Variants in TUSC3 observed in about 807,000 individuals in gnomAD.
TUSC3 encodes the protein dolichyl-diphosphooligosaccharide--protein glycosyltransferase subunit TUSC3.
In TUSC3, 45 loss-of-function variants were observed where a neutral mutation model predicts 44.8. The ratio of observed to expected loss-of-function variants is 1.00; its 90% confidence interval spans 0.79 to 1.29. TUSC3 has a LOEUF of 1.29. Among genes scored for constraint, TUSC3 ranks in the 50% most tolerant of loss-of-function variants. TUSC3 has a pLI of 0.00. For missense variants in TUSC3, 519 were observed against 437.9 expected, an observed-to-expected ratio of 1.19 and a Z score of -1.65; for synonymous variants, 212 against 152.9, an observed-to-expected ratio of 1.39 and a Z score of -2.85.
chr8:15,423,831 C>A (rs1161703024), intron 1 of TUSC3, among the ~76,000 whole-genome samples: 21 of 152,028 alleles, frequency 1.4e-4, no homozygotes, highest in Non-Finnish European at 1.5e-5. Context: ...CCTCATAATA[C>A]AGGAAGGACT....
chr8:15,668,926 T>C (rs1314855931), intron 5 of TUSC3, among the ~76,000 whole-genome samples: 1 of 151,750 alleles, frequency 6.6e-6, no homozygotes, highest in Non-Finnish European at 1.5e-5. Flanking sequence ...TCGGGATGTA[T>C]GCTGGTGGTA....
chr8:15,654,310 A>C (rs1034354080), intron 3 of TUSC3, among the ~76,000 whole-genome samples: 1 of 152,166 alleles, frequency 6.6e-6, no homozygotes, highest in Non-Finnish European at 1.5e-5. Flanking sequence ...GGAGAAGCAC[A>C]GGGAAGAAAG....
intron 1 of TUSC3, among the ~76,000 whole-genome samples, chr8:15,555,089 T>A (rs1350681839): frequency 6.7e-6 from 1 of 148,788 alleles, no homozygotes; most frequent in Non-Finnish European, 1.5e-5. Flanking sequence ...AAAATTTACA[T>A]AAGATTTCTC....
intron 7 of TUSC3, among the ~76,000 whole-genome samples, chr8:15,731,740 A>G: frequency 6.6e-6 from 1 of 152,156 alleles, no homozygotes; most frequent in East Asian, 1.9e-4. Context: ...TTTAATCTGG[A>G]GGAAAAATAC....
At chr8:15,445,893 G>T (rs1325487339) in intron 1 of TUSC3, among the ~76,000 whole-genome samples, 1 of 151,772 alleles carries the variant, frequency 6.6e-6, no homozygotes, top group African/African-American at 2.4e-5. Flanking sequence ...TTCCCAGACG[G>T]GGCGGCCGGG....
chr8:15,774,829 A>G, the TUSC3 span, among the ~76,000 whole-genome samples: 3 of 152,172 alleles, frequency 2.0e-5, no homozygotes, highest in East Asian at 1.9e-4. Context: ...TTTTTAAAGG[A>G]AAATGTTGGT....
the TUSC3 span, among the ~76,000 whole-genome samples, chr8:15,772,070 C>T: frequency 6.6e-6 from 1 of 151,628 alleles, no homozygotes. Flanking sequence ...GCCTGGGCCA[C>T]AGAGCAAGAC....
At chr8:15,648,708 A>G (rs1232564785) in intron 2 of TUSC3, among the ~76,000 whole-genome samples, 1 of 133,442 alleles carries the variant, frequency 7.5e-6, no homozygotes, top group Non-Finnish European at 1.6e-5. Flanking sequence ...CCTGGGTGAC[A>G]GAGCAAGACT....
chr8:15,819,893 A>G, the TUSC3 span, among the ~76,000 whole-genome samples: 1,773 of 152,178 alleles, frequency 0.012, 47 homozygotes, highest in African/African-American at 0.04. Flanking sequence ...TTGTTTTTTC[A>G]TTTATTATAT....
At chr8:15,657,535 A>G (rs1478305109) in intron 3 of TUSC3, among the ~76,000 whole-genome samples, 1 of 152,124 alleles carries the variant, frequency 6.6e-6, no homozygotes, top group Non-Finnish European at 1.5e-5. Context: ...AATGGCTTTT[A>G]CTGTCCATAT....
the TUSC3 span, among the ~76,000 whole-genome samples, chr8:15,836,834 G>A: frequency 6.6e-6 from 1 of 152,068 alleles, no homozygotes; most frequent in South Asian, 2.1e-4. Context: ...TAAACTTGCA[G>A]TTTTATACTT....
At position 15,765,269 on chromosome 8, in the gene TUSC3, T is replaced by G. The variant is rs1812296586; in HGVS notation, c.*1113T>G. 6.6e-6 allele frequency: 1 copy of G among 152,062 alleles called. No homozygotes were observed. The highest frequency in any genetic ancestry group is 6.6e-5 in the Admixed American group (1 of 15,224). The allele number at this position is 152,062 out of a possible 1,614,324, so 9.4% of individuals were successfully genotyped here. On this transcript the variant is annotated 3_prime_UTR_variant, in exon 11 of 11. Transcript: ENST00000503731. ...AGTTTATAACCAGGCCTTCAAACTC[T>G]CAAACATGGATTTTTATATTCTGTG...
intron 1 of TUSC3, among the ~76,000 whole-genome samples, chr8:15,597,093 G>A (rs141817880): frequency 6.6e-6 from 1 of 152,176 alleles, no homozygotes; most frequent in East Asian, 1.9e-4. Context: ...GTAGGAAGAG[G>A]TCAGAGATAC....
chr8:15,705,847 A>G (rs144864810), intron 6 of TUSC3, among the ~76,000 whole-genome samples: 1 of 152,024 alleles, frequency 6.6e-6, no homozygotes, highest in Non-Finnish European at 1.5e-5. Flanking sequence ...CATGCTTTAC[A>G]ACTTACATAT....
At chr8:15,496,910 A>T (rs867491946) in intron 2 of TUSC3, among the ~76,000 whole-genome samples, 3 of 89,984 alleles carry the variant, frequency 3.3e-5, no homozygotes, top group Non-Finnish European at 6.1e-5. Flanking sequence ...AGATGAATTT[A>T]TTCATTCATT....
chr8:15,666,758 T>C (rs1021518947), intron 5 of TUSC3, among the ~76,000 whole-genome samples: 1 of 151,476 alleles, frequency 6.6e-6, no homozygotes, highest in Non-Finnish European at 1.5e-5. Flanking sequence ...ATGTTGTTTT[T>C]GGATGGCCCC....
chr8:15,472,352 C>A (rs528421878), intron 1 of TUSC3, among the ~76,000 whole-genome samples: 1 of 152,184 alleles, frequency 6.6e-6, no homozygotes, highest in Non-Finnish European at 1.5e-5. Flanking sequence ...AAAGAAATTT[C>A]TGAAACTTTT....
intron 2 of TUSC3, among the ~76,000 whole-genome samples, chr8:15,643,931 A>G (rs1806499086): frequency 6.6e-6 from 1 of 152,168 alleles, no homozygotes; most frequent in African/African-American, 2.4e-5. Flanking sequence ...TTATTATGGC[A>G]TAAGTACAAT....
chr8:15,782,822 C>A, the TUSC3 span, among the ~76,000 whole-genome samples: 1 of 152,080 alleles, frequency 6.6e-6, no homozygotes, highest in Non-Finnish European at 1.5e-5. Context: ...AGAAACAAGA[C>A]CAAGATGTCT....
Sources: allele counts gnomAD v4.1 joint callset (sites outside exome capture counted in the v4.1 genomes callset), GRCh38; gene constraint gnomAD v4.1.1; transcripts MANE v1.5; gene names NCBI Gene and HGNC (gene_info 2026-07-23, HGNC 2026-07-21).